B3GALT1: variants seen among roughly 807,000 people sequenced by gnomAD.
B3GALT1 encodes the protein beta-1,3-galactosyltransferase 1, also known as UDP-Gal:betaGlcNAc beta 1,3-galactosyltransferase, polypeptide 1.
B3GALT1 carries 10 observed loss-of-function variants against 23.2 expected under a neutral mutation model. That is an observed-to-expected ratio of 0.43 (90% CI 0.27 to 0.73). The LOEUF (loss-of-function observed/expected upper bound fraction) is 0.73. B3GALT1 is among the 30% of genes least tolerant of loss of function. The pLI is 0.21. For synonymous variants in B3GALT1, 156 were observed against 141.5 expected, an observed-to-expected ratio of 1.10 and a Z score of -0.73; for missense variants, 299 against 405.4, an observed-to-expected ratio of 0.74 and a Z score of 2.25.
chr2:167,383,599 C>T (rs575468705), intron 1 of B3GALT1, among the ~76,000 whole-genome samples: 1 of 152,280 alleles, frequency 6.6e-6, no homozygotes, highest in Non-Finnish European at 1.5e-5. Context: ...CTGACTCCTC[C>T]ACTGAGATGG....
chr2:167,398,722 T>G (rs1456533606), intron 1 of B3GALT1, among the ~76,000 whole-genome samples: 1 of 152,162 alleles, frequency 6.6e-6, no homozygotes, highest in East Asian at 1.9e-4. Flanking sequence ...CAGAGTATCA[T>G]TCACTGAACC....
At chr2:167,317,514 A>G (rs1187219605) in intron 1 of B3GALT1, among the ~76,000 whole-genome samples, 2 of 152,130 alleles carry the variant, frequency 1.3e-5, no homozygotes, top group Non-Finnish European at 2.9e-5. Flanking sequence ...TCTTACAGCC[A>G]TCATAAAGAA....
At chr2:167,607,930 G>A (rs1423302323) in intron 2 of B3GALT1, among the ~76,000 whole-genome samples, 2 of 152,060 alleles carry the variant, frequency 1.3e-5, no homozygotes, top group East Asian at 1.9e-4. Flanking sequence ...AAGACATGTT[G>A]AGCTTAGTGC....
intron 1 of B3GALT1, among the ~76,000 whole-genome samples, chr2:167,336,938 T>C (rs528955743): frequency 6.6e-6 from 1 of 152,252 alleles, no homozygotes; most frequent in East Asian, 1.9e-4. Flanking sequence ...TGGAAATCTC[T>C]ACCTCAAACA....
chr2:167,296,103 A>G (rs1293476946), intron 1 of B3GALT1, among the ~76,000 whole-genome samples: 3 of 152,184 alleles, frequency 2.0e-5, no homozygotes, highest in Non-Finnish European at 4.4e-5. Flanking sequence ...TTAGACTGCC[A>G]TATATTCTAG....
chr2:167,860,433 G>A (rs990538454), intron 4 of B3GALT1, among the ~76,000 whole-genome samples: 1 of 151,718 alleles, frequency 6.6e-6, no homozygotes, highest in African/African-American at 2.4e-5. Flanking sequence ...TTAATGTTGG[G>A]TTTATTTTTT....
chr2:167,485,447 C>G (rs1699613029), intron 1 of B3GALT1, among the ~76,000 whole-genome samples: 1 of 152,068 alleles, frequency 6.6e-6, no homozygotes, highest in Non-Finnish European at 1.5e-5. Context: ...GATGTTCAGT[C>G]AATATTTATG....
chr2:167,347,656 A>G (rs1559071573), intron 1 of B3GALT1, among the ~76,000 whole-genome samples: 1 of 152,228 alleles, frequency 6.6e-6, no homozygotes, highest in Non-Finnish European at 1.5e-5. Context: ...ACATTTTTCA[A>G]CATCAGTATC....
intron 2 of B3GALT1, among the ~76,000 whole-genome samples, chr2:167,638,215 A>C (rs1049389605): frequency 2.0e-5 from 3 of 152,172 alleles, no homozygotes; most frequent in African/African-American, 7.2e-5. Context: ...AATTTCATGA[A>C]TATTTCAGTA....
chr2:167,702,725 T>TACA (rs1686899684), intron 3 of B3GALT1, among the ~76,000 whole-genome samples: 1 of 152,200 alleles, frequency 6.6e-6, no homozygotes, highest in Non-Finnish European at 1.5e-5. Flanking sequence ...GGAAACAGTG[T>TACA]TACTTGATTT....
At chr2:167,535,138 G>A (rs1248378317) in intron 2 of B3GALT1, among the ~76,000 whole-genome samples, 1 of 152,090 alleles carries the variant, frequency 6.6e-6, no homozygotes, top group East Asian at 1.9e-4. Context: ...AAATGAAAAA[G>A]GGTTATCTTA....
rs150653113 is a variant in B3GALT1, at chr2:167,468,186, G to A, written c.-510-21991G>A. Among the ~76,000 whole-genome samples the A allele has an allele frequency of 2.6e-5, 4 of 152,178 alleles. No homozygotes were observed. The East Asian group carries it at 7.7e-4, about 29-fold the overall frequency. Reference sequence around the variant, plus strand: ...GAAGGACTGTAATCTTATAGAAAAGGATCTTATGACTCAGGTCTATGATAA... The same window carrying A: ...GAAGGACTGTAATCTTATAGAAAAGAATCTTATGACTCAGGTCTATGATAA... On this transcript the variant is annotated intron_variant, in intron 1 of 4. Coordinates refer to ENST00000392690, the MANE Select transcript of B3GALT1 (RefSeq NM_020981.4).
intron 4 of B3GALT1, among the ~76,000 whole-genome samples, chr2:167,826,811 A>ATAACAT (rs1486749152): frequency 3.3e-5 from 5 of 152,376 alleles, no homozygotes; most frequent in African/African-American, 1.2e-4. Flanking sequence ...AACTATTTAC[A>ATAACAT]TAACATTTAC....
chr2:167,796,754 AAAT>A (rs1177987197), intron 3 of B3GALT1, among the ~76,000 whole-genome samples: 3 of 152,194 alleles, frequency 2.0e-5, no homozygotes, highest in East Asian at 3.8e-4. Context: ...CTGCCTCAAA[AAAT>A]AATAATAATA....
intron 1 of B3GALT1, among the ~76,000 whole-genome samples, chr2:167,446,673 A>T (rs1164712438): frequency 6.6e-6 from 1 of 152,168 alleles, no homozygotes; most frequent in Non-Finnish European, 1.5e-5. Flanking sequence ...AAGCTTGTGC[A>T]TGCATCACGT....
chr2:167,455,484 T>A (rs1401272775), intron 1 of B3GALT1, among the ~76,000 whole-genome samples: 1 of 152,108 alleles, frequency 6.6e-6, no homozygotes, highest in Non-Finnish European at 1.5e-5. Flanking sequence ...CTCCACTACT[T>A]TTTATTTTCA....
At chr2:167,724,186 GA>G (rs1687273602) in intron 3 of B3GALT1, among the ~76,000 whole-genome samples, 1 of 152,162 alleles carries the variant, frequency 6.6e-6, no homozygotes, top group Non-Finnish European at 1.5e-5. Context: ...TCCAGAGGCT[GA>G]AATGTAAGTG....
At chr2:167,814,334 T>C (rs1688948105) in intron 3 of B3GALT1, among the ~76,000 whole-genome samples, 1 of 152,130 alleles carries the variant, frequency 6.6e-6, no homozygotes, top group South Asian at 2.1e-4. Context: ...ACTGATAGCA[T>C]GGCAGGGATA....
chr2:167,353,542 A>G (rs1452477449), intron 1 of B3GALT1, among the ~76,000 whole-genome samples: 1 of 151,940 alleles, frequency 6.6e-6, no homozygotes, highest in Non-Finnish European at 1.5e-5. Context: ...GATATTCTCT[A>G]AAGTCTTGGG....
Sources: allele counts gnomAD v4.1 joint callset (sites outside exome capture counted in the v4.1 genomes callset), GRCh38; gene constraint gnomAD v4.1.1; transcripts MANE v1.5; gene names NCBI Gene and HGNC (gene_info 2026-07-23, HGNC 2026-07-21).